Variants in ANKRD28 observed in about 807,000 individuals in gnomAD.
ANKRD28 encodes the protein ankyrin repeat domain 28.
ANKRD28 carries 44 observed loss-of-function variants against 126.5 expected under a neutral mutation model. The observed-to-expected ratio is 0.35, with a 90% CI of 0.27 to 0.45. The LOEUF (loss-of-function observed/expected upper bound fraction) is 0.45. Ranked by LOEUF, ANKRD28 falls within the 20% of genes least tolerant of loss-of-function variation. ANKRD28 has a pLI of 1.00. For missense variants in ANKRD28, 1,110 were observed against 1,316.6 expected (o/e 0.84, Z 2.43); for synonymous variants, 442 against 468.5 (o/e 0.94, Z 0.73).
At chr3:15,734,973 C>T (rs2074920695) in intron 6 of ANKRD28, among the ~76,000 whole-genome samples, 1 of 152,066 alleles carries the variant, frequency 6.6e-6, no homozygotes, top group Non-Finnish European at 1.5e-5. Flanking sequence ...TATTCCAAGC[C>T]CCAGTTTCTT....
At chr3:15,716,606 C>T (rs1161184520) in intron 8 of ANKRD28, among the ~76,000 whole-genome samples, 2 of 151,840 alleles carry the variant, frequency 1.3e-5, no homozygotes, top group Non-Finnish European at 2.9e-5. Flanking sequence ...TTTTTACAGA[C>T]ATAAGGAAAA....
chr3:15,726,580 T>C lies in ANKRD28; in HGVS notation c.641-2056A>G, dbSNP rs115104493. Among the ~76,000 whole-genome samples, 667 of 152,318 alleles carry C rather than the reference T, an allele frequency of 4.4e-3. 8 individuals carry two copies. Among genetic ancestry groups the C allele is most frequent in the East Asian group, 0.023 (121 of 5,194 alleles). ...CCAGCAAAGGTTGATTCATGAGGTTTAACGAAAAAAGATGTCCCTGTAACA... is the reference window on the plus strand; with the variant it reads ...CCAGCAAAGGTTGATTCATGAGGTTCAACGAAAAAAGATGTCCCTGTAACA... On this transcript the variant is annotated intron_variant, in intron 6 of 27. Coordinates refer to ENST00000683139, the MANE Select transcript of ANKRD28 (RefSeq NM_001349278.2).
chr3:15,727,747 A>C (rs1187312220), intron 6 of ANKRD28, among the ~76,000 whole-genome samples: 1 of 152,044 alleles, frequency 6.6e-6, no homozygotes, highest in African/African-American at 2.4e-5. Context: ...ATAGCAAGAG[A>C]ACTAGAATAA....
intron 16 of ANKRD28, 133 bp downstream of exon 16, chr3:15,695,055 T>A (rs2069335828): frequency 1.2e-6 from 1 of 804,854 alleles, no homozygotes; most frequent in South Asian, 1.7e-5. Context: ...TCTGTACACA[T>A]GATTTCTGTC....
At chr3:15,723,961 CT>C (rs2073975426) in intron 7 of ANKRD28, among the ~76,000 whole-genome samples, 1 of 152,136 alleles carries the variant, frequency 6.6e-6, no homozygotes, top group African/African-American at 2.4e-5. Flanking sequence ...CAAAAAACCT[CT>C]TGTTTTCCTG....
At chr3:15,764,918 A>T (rs1420651503) in intron 3 of ANKRD28, among the ~76,000 whole-genome samples, 4 of 152,196 alleles carry the variant, frequency 2.6e-5, no homozygotes, top group Non-Finnish European at 4.4e-5. Flanking sequence ...CTGATATAGA[A>T]ATAAGGTATT....
chr3:15,758,632 G>C (rs1285395659), intron 3 of ANKRD28, among the ~76,000 whole-genome samples: 2 of 152,164 alleles, frequency 1.3e-5, no homozygotes, highest in East Asian at 1.9e-4. Flanking sequence ...AAGCCAGAGA[G>C]AGATACCCTG....
intron 3 of ANKRD28, 46 bp from the exon 4 acceptor site, chr3:15,751,866 AT>A: frequency 7.9e-7 from 1 of 1,267,244 alleles, no homozygotes; most frequent in African/African-American, 1.5e-5. Flanking sequence ...TACATAAAAT[AT>A]TTTTAATAAA....
At position 15,684,152 on chromosome 3, in the gene ANKRD28, T is replaced by C. The variant is rs79068174; in HGVS notation, c.2389+1074A>G. On this transcript the variant is annotated intron_variant, in intron 21 of 27. Coordinates refer to ENST00000683139, the MANE Select transcript of ANKRD28 (RefSeq NM_001349278.2). The stretch of plus-strand genomic sequence containing the variant: ...ACAACACTGATGCTTGCACTGTATA[T>C]AATGTACTTGAGTTTTCTAAGATGA... 339 of 152,360 alleles carry C rather than the reference T, an allele frequency of 2.2e-3. 2 individuals carry two copies. The highest frequency in any genetic ancestry group is 7.5e-3 in the African/African-American group (310 of 41,584). The allele number at this position is 152,360 out of a possible 1,614,324, so 9.4% of individuals were successfully genotyped here. A position where few individuals can be genotyped will look rare whatever the true frequency, so the allele number is the denominator to read the frequency against.
chr3:15,725,380 C>T (rs531986693), intron 6 of ANKRD28, among the ~76,000 whole-genome samples: 1 of 152,312 alleles, frequency 6.6e-6, no homozygotes, highest in East Asian at 1.9e-4. Context: ...AATCTATCAT[C>T]TTCCTTTTGC....
At chr3:15,726,256 A>G (rs2074155227) in intron 6 of ANKRD28, among the ~76,000 whole-genome samples, 1 of 152,228 alleles carries the variant, frequency 6.6e-6, no homozygotes, top group Non-Finnish European at 1.5e-5. Flanking sequence ...TTAGTGAGAA[A>G]GGCATGTTGA....
At chr3:15,822,774 A>G (rs1302240924) in intron 1 of ANKRD28, among the ~76,000 whole-genome samples, 1 of 152,172 alleles carries the variant, frequency 6.6e-6, no homozygotes, top group Non-Finnish European at 1.5e-5. Context: ...AAGTCACAGA[A>G]AGGAACTAAA....
chr3:15,786,910 T>C (rs944664635), intron 2 of ANKRD28, among the ~76,000 whole-genome samples: 1 of 152,124 alleles, frequency 6.6e-6, no homozygotes, highest in South Asian at 2.1e-4. Context: ...AGGTAGTCTA[T>C]GAAGTTAATA....
chr3:15,786,599 T>C (rs1479656155), intron 2 of ANKRD28, among the ~76,000 whole-genome samples: 2 of 152,090 alleles, frequency 1.3e-5, no homozygotes, highest in African/African-American at 4.8e-5. Context: ...TTACACTTTA[T>C]ATATATGCAG....
chr3:15,853,559 T>A lies in ANKRD28; in HGVS notation c.27+5818A>T, dbSNP rs1159149658. Among the ~76,000 whole-genome samples the A allele has an allele frequency of 6.6e-6, 1 of 152,146 alleles. No individual in the cohort carries two copies. The highest frequency in any genetic ancestry group is 1.5e-5 in the Non-Finnish European group (1 of 68,020). On this transcript the variant is annotated intron_variant, in intron 1 of 27. Coordinates refer to the ANKRD28 transcript ENST00000399451. This position sits in a 1 kb window ranked among gnomAD's most constrained non-coding sequence, Gnocchi z 4.2. ...ATTCTGGCTCACTGCAAGCTCCGCC[T>A]CCTGGGTTCATGCCATTCTCCTGCC...
chr3:15,705,606 T>C (rs2071244920), intron 14 of ANKRD28, among the ~76,000 whole-genome samples: 1 of 152,232 alleles, frequency 6.6e-6, no homozygotes, highest in South Asian at 2.1e-4. Context: ...CAAAATATTT[T>C]CTGATTTATA....
At chr3:15,760,371 C>T (rs1239685952) in intron 3 of ANKRD28, among the ~76,000 whole-genome samples, 1 of 152,172 alleles carries the variant, frequency 6.6e-6, no homozygotes, top group Non-Finnish European at 1.5e-5. Flanking sequence ...ATATAACACA[C>T]CTGTGCATGT....
chr3:15,794,133 A>G (rs896861246), intron 2 of ANKRD28, among the ~76,000 whole-genome samples: 24 of 152,180 alleles, frequency 1.6e-4, no homozygotes, highest in African/African-American at 2.4e-5. Context: ...CCAACTAAAT[A>G]TAAACTTGAA....
At position 15,838,677 on chromosome 3, in the gene ANKRD28, G is replaced by A. The variant is rs1247395798; in HGVS notation, c.27+20700C>T. 6.6e-6 allele frequency among the ~76,000 whole-genome samples: 1 copy of A among 151,830 alleles called. No individual in the cohort carries two copies. The highest frequency in any genetic ancestry group is 2.4e-5 in the African/African-American group (1 of 41,294). On this transcript the variant is annotated intron_variant, in intron 1 of 27. Coordinates refer to the ANKRD28 transcript ENST00000399451. This position sits in a 1 kb window ranked among gnomAD's most constrained non-coding sequence, Gnocchi z 4.0. ...GCAGGAGAACTACTTGAACCCAGGA[G>A]GTAGAGGTTGCAGTGAGCCGGGACC...
Sources: allele counts gnomAD v4.1 joint callset (sites outside exome capture counted in the v4.1 genomes callset), GRCh38; gene constraint gnomAD v4.1.1; non-coding constraint Gnocchi (gnomAD v3.1); transcripts MANE v1.5; gene names NCBI Gene and HGNC (gene_info 2026-07-23, HGNC 2026-07-21).